NBR1: variants seen among roughly 807,000 people sequenced by gnomAD.
NBR1 encodes the protein next to BRCA1 gene 1 protein.
NBR1 carries 59 observed loss-of-function variants against 115.5 expected under a neutral mutation model. The ratio of observed to expected loss-of-function variants is 0.51; its 90% CI spans 0.41 to 0.63. The LOEUF (loss-of-function observed/expected upper bound fraction) is 0.63. Ranked by LOEUF, NBR1 falls within the 30% of genes least tolerant of loss-of-function variation. The pLI, the probability that NBR1 is intolerant of heterozygous loss-of-function variation, is 0.00. For missense variants in NBR1, 1,043 were observed against 1,150.5 expected (o/e 0.91, Z 1.35); for synonymous variants, 373 against 414.7 (o/e 0.90, Z 1.22).
intron 5 of NBR1, among the ~76,000 whole-genome samples, chr17:43,184,813 T>C (rs775275774): frequency 5.3e-5 from 8 of 151,992 alleles, no homozygotes; most frequent in Admixed American, 6.6e-5. Flanking sequence ...CCAATTAGAC[T>C]AGGCGCAGTG....
At chr17:43,193,281 G>T (rs750061078) in intron 11 of NBR1, 28 bp downstream of exon 11, 3 of 1,613,446 alleles carry the variant, frequency 1.9e-6, no homozygotes, top group Non-Finnish European at 2.5e-6. Context: ...ATGCAAAGAT[G>T]AGGTGATTTG....
At chr17:43,192,195 A>C (rs530578416) in intron 10 of NBR1, among the ~76,000 whole-genome samples, 1 of 138,616 alleles carries the variant, frequency 7.2e-6, no homozygotes, top group African/African-American at 2.7e-5. Context: ...TAATTTTTGT[A>C]TTTTTTCAGT....
intron 7 of NBR1, 56 bp from the exon 8 acceptor site, chr17:43,189,532 A>C: frequency 7.7e-7 from 1 of 1,300,288 alleles, no homozygotes; most frequent in Non-Finnish European, 1.1e-6. Context: ...ATATCTTCAC[A>C]TTTTTTTCTG....
intron 20 of NBR1, among the ~76,000 whole-genome samples, chr17:43,204,831 A>AAT (rs1304296747): frequency 8.1e-5 from 12 of 148,744 alleles, no homozygotes; most frequent in Non-Finnish European, 1.6e-4. Flanking sequence ...AAAAAAAAAA[A>AAT]GTATGATGGC....
At chr17:43,185,502 C>T (rs1046949772) in intron 5 of NBR1, among the ~76,000 whole-genome samples, 3 of 151,956 alleles carry the variant, frequency 2.0e-5, no homozygotes, top group African/African-American at 7.3e-5. Context: ...TGTCCAAGAC[C>T]AGTCTGGGCA....
chr17:43,178,151 G>A, intron 3 of NBR1, 153 bp downstream of exon 3: 3 of 907,072 alleles, frequency 3.3e-6, no homozygotes, highest in South Asian at 1.7e-5. Flanking sequence ...AAGACTTGCA[G>A]CATCTGAGAT....
chr17:43,201,316 T>C (rs2057192730), intron 17 of NBR1, among the ~76,000 whole-genome samples: 1 of 152,230 alleles, frequency 6.6e-6, no homozygotes, highest in Non-Finnish European at 1.5e-5. Context: ...ACCAAACTAA[T>C]TATTTTTAAT....
In NBR1 at chr17:43,193,593, C is replaced by T; in HGVS notation, c.1479C>T (p.Gly493=). The change falls in exon 12 of 21, where the codon GGC becomes GGT. Residue 493 remains glycine, a synonymous_variant. Coordinates refer to ENST00000590996, the MANE Select transcript of NBR1 (RefSeq NM_005899.5). The part of the protein sequence containing the change: ...SEESPDNIEK[G]MISSSKTDDL... ...AGAGCCCTGATAACATTGAAAAGGG[C>T]ATGATCAGCTCAAGCAAAACTGATG... 3 of 1,611,560 alleles carry T rather than the reference C, an allele frequency of 1.9e-6. No homozygotes were observed. The highest frequency in any genetic ancestry group is 2.5e-6 in the Non-Finnish European group (3 of 1,178,876).
At chr17:43,179,278 G>T in intron 3 of NBR1, 116 bp from the exon 4 acceptor site, 2 of 857,406 alleles carry the variant, frequency 2.3e-6, no homozygotes, top group South Asian at 1.5e-5. Flanking sequence ...AAGTGATATG[G>T]AAAAGCTGAA....
At chr17:43,182,687 T>C (rs1346817541) in intron 5 of NBR1, among the ~76,000 whole-genome samples, 1 of 151,894 alleles carries the variant, frequency 6.6e-6, no homozygotes, top group African/African-American at 2.4e-5. Context: ...TTGAAATATG[T>C]ATACATTGTG....
chr17:43,187,540 G>A (rs1388124634), intron 6 of NBR1, among the ~76,000 whole-genome samples: 1 of 98,756 alleles, frequency 1.0e-5, no homozygotes, highest in Non-Finnish European at 1.9e-5. Context: ...ACAGAGTCTT[G>A]CACCTTCGCC....
Position 43,191,370 on chromosome 17 carries a change from A to C in NBR1, c.864-2A>C, listed in dbSNP as rs1226176874. On this transcript the variant is annotated splice_acceptor_variant, in intron 9 of 20. Transcript: ENST00000590996. LOFTEE classifies it high-confidence loss of function. ...TTAAGACTTGCTTTTATTATCTCAC[A>C]GGCTCCAGAAACAGGTTGATAAGAA... 1 of 1,606,738 alleles carries C rather than the reference A, an allele frequency of 6.2e-7. No individual in the cohort carries two copies.
chr17:43,179,314 C>G (rs2056605373), intron 3 of NBR1, 80 bp from the exon 4 acceptor site: 8 of 1,332,644 alleles, frequency 6.0e-6, no homozygotes, highest in Non-Finnish European at 7.5e-6. Context: ...TTTGTCTGTC[C>G]TATGGGGCTG....
chr17:43,188,452 C>G (rs1383531694), intron 6 of NBR1, among the ~76,000 whole-genome samples: 3 of 152,170 alleles, frequency 2.0e-5, no homozygotes, highest in African/African-American at 7.2e-5. Flanking sequence ...TGTGCAGAAG[C>G]TCTTTAGTTT....
At chr17:43,197,233 A>G (rs2057089572) in intron 16 of NBR1, 127 bp downstream of exon 16, 2 of 993,128 alleles carry the variant, frequency 2.0e-6, no homozygotes, top group Non-Finnish European at 3.0e-6. Context: ...AGAAGTTCTG[A>G]TCTTGGCGGG....
chr17:43,183,563 A>G (rs755023094), intron 5 of NBR1, among the ~76,000 whole-genome samples: 2 of 152,092 alleles, frequency 1.3e-5, no homozygotes, highest in Non-Finnish European at 2.9e-5. Flanking sequence ...CAGTGGTGCA[A>G]TTATGGCTTA....
intron 4 of NBR1, among the ~76,000 whole-genome samples, chr17:43,180,448 T>C (rs1330772108): frequency 1.3e-5 from 2 of 152,232 alleles, no homozygotes; most frequent in Non-Finnish European, 2.9e-5. Context: ...ATCACCATCA[T>C]ACACATGGTT....
rs1393489889 is a variant in NBR1 at position 43,190,181 on chromosome 17, C to G, written c.695+379C>G. The stretch of plus-strand genomic sequence containing the variant: ...ATGGTTCACTGCAGCCTCACCCTCC[C>G]AGGCTCAGACAATCCTCCCACTTCA... On this transcript the variant is annotated intron_variant, in intron 8 of 20. Transcript: ENST00000590996. 2.0e-5 allele frequency: 6 copies of G among 304,106 alleles called. No individual in the cohort carries two copies. In the East Asian group the frequency reaches 5.2e-4, roughly 26 times the overall value. 18.8% of individuals were successfully genotyped at this position (304,106 alleles called of 1,614,324 possible).
At chr17:43,174,286 A>G (rs1285264949) in intron 1 of NBR1, among the ~76,000 whole-genome samples, 1 of 152,040 alleles carries the variant, frequency 6.6e-6, no homozygotes, top group Admixed American at 6.6e-5. Flanking sequence ...ATAGATTTAA[A>G]TTTTCCCATA....
Sources: allele counts gnomAD v4.1 joint callset (sites outside exome capture counted in the v4.1 genomes callset), GRCh38; gene constraint gnomAD v4.1.1; transcripts MANE v1.5; gene names NCBI Gene and HGNC (gene_info 2026-07-23, HGNC 2026-07-21).